Variants in B4GALNT3 observed in about 807,000 individuals in gnomAD.
B4GALNT3 encodes the protein beta-1,4-N-acetylgalactosaminyltransferase 3.
Under a neutral mutation model 120.2 loss-of-function variants are expected in B4GALNT3, and 86 were observed. That is an observed-to-expected ratio of 0.72 (90% CI 0.60 to 0.86). B4GALNT3 has a LOEUF of 0.86. B4GALNT3 is among the 40% of genes least tolerant of loss of function. B4GALNT3 has a pLI of 0.00. For missense variants in B4GALNT3, 1,167 were observed against 1,298.9 expected (o/e 0.90, Z 1.56); for synonymous variants, 518 against 510.4 (o/e 1.01, Z -0.20).
In B4GALNT3 at chr12:474,187, G is replaced by A. The variant is rs146183798; in HGVS notation, c.169+13642G>A. Reference sequence around the variant, plus strand: ...GCCTCAGACTTGGAGTTTTCTACCAGGAGTGCTTGAGAAAGAGGTACTGGC... The same window carrying A: ...GCCTCAGACTTGGAGTTTTCTACCAAGAGTGCTTGAGAAAGAGGTACTGGC... On this transcript the variant is annotated intron_variant, in intron 1 of 19. Transcript: ENST00000266383. Among the ~76,000 whole-genome samples, 12 of 152,328 alleles carry A rather than the reference G, an allele frequency of 7.9e-5. No individual in the cohort carries two copies. In the East Asian group the frequency reaches 1.9e-3, roughly 24 times the overall value.
intron 7 of B4GALNT3, among the ~76,000 whole-genome samples, chr12:547,554 T>A (rs1379128971): frequency 6.6e-6 from 1 of 152,138 alleles, no homozygotes; most frequent in East Asian, 1.9e-4. Flanking sequence ...GCTGCCGTGG[T>A]GGGTACGCCG....
Position 536,139 on chromosome 12 carries a change from C to T in B4GALNT3, c.274-79C>T, listed in dbSNP as rs1592046612. ...GCTCCGAGCCGACGCCTCCTGGGAG[C>T]AGGCACTGTGCCTCCTGTCCTGCCC... On this transcript the variant is annotated intron_variant, in intron 2 of 19. Transcript: ENST00000266383. 1.5e-5 allele frequency: 18 copies of T among 1,188,932 alleles called. No individual in the cohort carries two copies. The East Asian group carries it at 3.3e-4, about 22-fold the overall frequency. 73.6% of individuals were successfully genotyped at this position (1,188,932 alleles called of 1,614,324 possible). A position where few individuals can be genotyped will look rare whatever the true frequency, so the allele number is the denominator to read the frequency against.
At chr12:536,513 TTTG>T (rs776768073) in intron 3 of B4GALNT3, among the ~76,000 whole-genome samples, 41 of 152,326 alleles carry the variant, frequency 2.7e-4, no homozygotes, top group Admixed American at 1.4e-3. Context: ...CAGTTAGTTT[TTTG>T]TTGTTGTTGT....
chr12:512,240 CTTCCACCTT>C (rs1946586786), intron 1 of B4GALNT3, among the ~76,000 whole-genome samples: 1 of 59,650 alleles, frequency 1.7e-5, no homozygotes, highest in African/African-American at 9.9e-5. Flanking sequence ...CACCTTCCAC[CTTCCACCTT>C]CTTCCACCTT....
At chr12:530,769 C>G (rs1946798898) in intron 1 of B4GALNT3, among the ~76,000 whole-genome samples, 1 of 152,146 alleles carries the variant, frequency 6.6e-6, no homozygotes, top group Non-Finnish European at 1.5e-5. Flanking sequence ...ATATGCATGC[C>G]TTATTTTTAC....
intron 1 of B4GALNT3, among the ~76,000 whole-genome samples, chr12:520,928 G>A (rs1265996261): frequency 1.3e-5 from 2 of 152,116 alleles, no homozygotes; most frequent in African/African-American, 4.8e-5. Flanking sequence ...CTTTTCCAGG[G>A]GATATTCTGA....
At chr12:500,865 C>CTTTGTTTTTTTTTTTTTT (rs1946433308) in intron 1 of B4GALNT3, among the ~76,000 whole-genome samples, 1 of 61,830 alleles carries the variant, frequency 1.6e-5, no homozygotes, top group African/African-American at 7.5e-5. Context: ...GGCTCCACTG[C>CTTTGTTTTTTTTTTTTTT]TTTTTTTTTT....
chr12:554,091 T>C (rs976880507), intron 14 of B4GALNT3, 108 bp downstream of exon 14: 2 of 742,182 alleles, frequency 2.7e-6, no homozygotes, highest in Non-Finnish European at 2.2e-6. Flanking sequence ...GCCGCGGAAA[T>C]AGCTGGAACT....
chr12:561,511 GC>G lies in B4GALNT3; in HGVS notation c.*63del. The G allele has an allele frequency of 7.5e-7, 1 of 1,341,228 alleles. No individual in the cohort carries two copies. 83.1% of individuals were successfully genotyped at this position (1,341,228 alleles called of 1,614,324 possible). ...TCTGGACTAGCAGTGGCTCCCCAGG[GC>G]CCTGCTACTGTTCAGGGATGGGGAG... On this transcript the variant is annotated 3_prime_UTR_variant, in exon 20 of 20. Coordinates refer to ENST00000266383, the MANE Select transcript of B4GALNT3 (RefSeq NM_173593.4).
chr12:485,233 T>A (rs575348789), intron 1 of B4GALNT3, among the ~76,000 whole-genome samples: 1 of 152,074 alleles, frequency 6.6e-6, no homozygotes, highest in South Asian at 2.1e-4. Flanking sequence ...TGGCCTGATG[T>A]GAGAGGAGGC....
In B4GALNT3 at chr12:536,199, T is replaced by G; in HGVS notation, c.274-19T>G. ...CATCCTAATATTCCTACCAACTTCG[T>G]TCTTCATTCTTCCCCTAGGACCACG... On this transcript the variant is annotated intron_variant, in intron 2 of 19. Transcript: ENST00000266383. The G allele has an allele frequency of 1.2e-6, 2 of 1,604,988 alleles. No individual in the cohort carries two copies. Among genetic ancestry groups the G allele is most frequent in the Non-Finnish European group, 1.7e-6 (2 of 1,171,682 alleles).
At chr12:463,623 C>T (rs12370101) in intron 1 of B4GALNT3, among the ~76,000 whole-genome samples, 4,314 of 152,236 alleles carry the variant, frequency 0.028, 126 homozygotes, top group South Asian at 0.065. Context: ...GTTTTGCAAA[C>T]ATAGGACGCA....
At chr12:474,347 C>T (rs1417232256) in intron 1 of B4GALNT3, among the ~76,000 whole-genome samples, 3 of 152,220 alleles carry the variant, frequency 2.0e-5, no homozygotes, top group East Asian at 1.9e-4. Context: ...TCCCCTCCCT[C>T]ACAACACTTT....
intron 9 of B4GALNT3, among the ~76,000 whole-genome samples, chr12:549,549 C>G (rs571461182): frequency 2.0e-5 from 3 of 152,248 alleles, no homozygotes; most frequent in African/African-American, 7.2e-5. Context: ...GCAACACAGT[C>G]GTGTGGGTCA....
chr12:552,303 ACACACACACACAC>A, intron 12 of B4GALNT3, 140 bp downstream of exon 12: 1 of 608,146 alleles, frequency 1.6e-6, no homozygotes, highest in Non-Finnish European at 2.9e-6. Context: ...ACACACACAC[ACACACACACACAC>A]ACACACACAC....
Position 546,834 on chromosome 12 carries a change from C to T in B4GALNT3, c.707+121C>T, listed in dbSNP as rs1407223597. On this transcript the variant is annotated intron_variant, in intron 7 of 19. Transcript: ENST00000266383. Reference sequence around the variant, plus strand: ...CTTCCGTGTGTCCGGCACCCACACGCTCCCGGCAACCGGGTCTTTGGCTCA... The same window carrying T: ...CTTCCGTGTGTCCGGCACCCACACGTTCCCGGCAACCGGGTCTTTGGCTCA... 3.1e-6 allele frequency: 3 copies of T among 974,218 alleles called. No individual in the cohort carries two copies. In the East Asian group the frequency reaches 7.9e-5, roughly 26 times the overall value. The allele number at this position is 974,218 out of a possible 1,614,324, so 60.3% of individuals were successfully genotyped here. A position where few individuals can be genotyped will look rare whatever the true frequency, so the allele number is the denominator to read the frequency against.
chr12:543,956 G>C (rs1946955668), intron 3 of B4GALNT3, among the ~76,000 whole-genome samples: 1 of 136,012 alleles, frequency 7.4e-6, no homozygotes, highest in Non-Finnish European at 1.6e-5. Context: ...TCTGGGGCGG[G>C]TGTGGGATGC....
intron 1 of B4GALNT3, among the ~76,000 whole-genome samples, chr12:522,901 T>G (rs1946724002): frequency 7.2e-6 from 1 of 137,988 alleles, no homozygotes. Flanking sequence ...TGCACCACTG[T>G]ACTCTGCACT....
intron 1 of B4GALNT3, among the ~76,000 whole-genome samples, chr12:494,036 G>A (rs1382114052): frequency 4.6e-5 from 7 of 152,136 alleles, no homozygotes; most frequent in African/African-American, 1.7e-4. Context: ...TTGGGAGGTC[G>A]AGGCAGGAGG....
Sources: allele counts gnomAD v4.1 joint callset (sites outside exome capture counted in the v4.1 genomes callset), GRCh38; gene constraint gnomAD v4.1.1; transcripts MANE v1.5; gene names NCBI Gene and HGNC (gene_info 2026-07-23, HGNC 2026-07-21).